The following HS6ST3 variants were observed in gnomAD, a reference collection of about 807,000 sequenced individuals.
HS6ST3 encodes the protein heparan-sulfate 6-O-sulfotransferase 3.
Under a neutral mutation model 36.7 loss-of-function variants are expected in HS6ST3, and 12 were observed. The ratio of observed to expected loss-of-function variants is 0.33; its 90% confidence interval spans 0.21 to 0.53. The LOEUF is 0.53. Among genes scored for constraint, HS6ST3 ranks in the 20% least tolerant of loss-of-function variants. HS6ST3 has a pLI of 0.95. For synonymous variants in HS6ST3, 240 were observed against 257.5 expected (o/e 0.93, Z 0.65); for missense variants, 584 against 640.9 (o/e 0.91, Z 0.96).
intron 1 of HS6ST3, among the ~76,000 whole-genome samples, chr13:96,655,958 A>G (rs2056623207): frequency 6.6e-6 from 1 of 152,138 alleles, no homozygotes; most frequent in African/African-American, 2.4e-5. Flanking sequence ...ACTCATTTTC[A>G]TTGTTATTAT....
At chr13:96,741,199 T>G (rs1876430001) in intron 1 of HS6ST3, among the ~76,000 whole-genome samples, 1 of 152,202 alleles carries the variant, frequency 6.6e-6, no homozygotes, top group African/African-American at 2.4e-5. Context: ...TCTCATAATG[T>G]GCATTCTTTT....
At chr13:96,182,957 T>G (rs2054246543) in intron 1 of HS6ST3, among the ~76,000 whole-genome samples, 1 of 152,208 alleles carries the variant, frequency 6.6e-6, no homozygotes. Flanking sequence ...GATTTCCATT[T>G]TGTGGAGGAC....
At chr13:96,537,011 T>A (rs2056158188) in intron 1 of HS6ST3, among the ~76,000 whole-genome samples, 1 of 152,198 alleles carries the variant, frequency 6.6e-6, no homozygotes, top group South Asian at 2.1e-4. Context: ...GCCCATACTC[T>A]GGTAGTTAGA....
intron 1 of HS6ST3, among the ~76,000 whole-genome samples, chr13:96,766,677 G>A (rs1877125092): frequency 6.6e-6 from 1 of 152,090 alleles, no homozygotes; most frequent in Non-Finnish European, 1.5e-5. Context: ...ATATTTCTGA[G>A]GCAACCTTGC....
intron 1 of HS6ST3, among the ~76,000 whole-genome samples, chr13:96,568,110 C>T (rs1377857184): frequency 6.6e-6 from 1 of 152,236 alleles, no homozygotes; most frequent in Non-Finnish European, 1.5e-5. Flanking sequence ...GGAGTTAACA[C>T]TACCAGGTCT....
intron 1 of HS6ST3, among the ~76,000 whole-genome samples, chr13:96,668,309 C>G (rs1303772311): frequency 1.3e-5 from 2 of 152,060 alleles, no homozygotes; most frequent in East Asian, 3.9e-4. Flanking sequence ...CTTATTCAGT[C>G]ATGAGAAAAA....
intron 1 of HS6ST3, among the ~76,000 whole-genome samples, chr13:96,245,924 G>A (rs1416189246): frequency 6.6e-6 from 1 of 152,104 alleles, no homozygotes; most frequent in Non-Finnish European, 1.5e-5. Flanking sequence ...AGGGAATATA[G>A]AGGGGGAAAC....
intron 1 of HS6ST3, among the ~76,000 whole-genome samples, chr13:96,175,145 T>C (rs1293352974): frequency 6.6e-6 from 1 of 152,200 alleles, no homozygotes; most frequent in African/African-American, 2.4e-5. Context: ...TGAAATCCTT[T>C]ATGTAATTTT....
At chr13:96,336,202 T>C in intron 1 of HS6ST3, among the ~76,000 whole-genome samples, 1 of 152,222 alleles carries the variant, frequency 6.6e-6, no homozygotes. Flanking sequence ...ATAAGACTTT[T>C]AACAGAAAAG....
chr13:96,446,969 AGTCCTCTTTTCTTCT>A (rs1412250494), intron 1 of HS6ST3, among the ~76,000 whole-genome samples: 5 of 152,024 alleles, frequency 3.3e-5, no homozygotes, highest in African/African-American at 9.7e-5. Flanking sequence ...TGTGCCTTCA[AGTCCTCTTTTCTTCT>A]ACCTTTTTAA....
chr13:96,150,888 A>T (rs1212913303), intron 1 of HS6ST3, among the ~76,000 whole-genome samples: 1 of 152,226 alleles, frequency 6.6e-6, no homozygotes, highest in Non-Finnish European at 1.5e-5. Flanking sequence ...ATAATGTATA[A>T]CATAATATAT....
intron 1 of HS6ST3, among the ~76,000 whole-genome samples, chr13:96,813,444 TG>T (rs769052749): frequency 1.6e-4 from 24 of 152,266 alleles, no homozygotes; most frequent in Admixed American, 3.3e-4. Flanking sequence ...GCCTCCCCAC[TG>T]GGGTTCCACT....
chr13:96,641,580 C>T (rs576270191), intron 1 of HS6ST3, among the ~76,000 whole-genome samples: 1 of 151,862 alleles, frequency 6.6e-6, no homozygotes, highest in African/African-American at 2.4e-5. Context: ...GTCACTAATG[C>T]CATGTCCATT....
At chr13:96,231,814 T>G (rs1412945527) in intron 1 of HS6ST3, among the ~76,000 whole-genome samples, 2 of 152,194 alleles carry the variant, frequency 1.3e-5, no homozygotes, top group Non-Finnish European at 2.9e-5. Flanking sequence ...TGGGGTTAGA[T>G]GAAGACTGCT....
At chr13:96,627,686 T>G (rs919078301) in intron 1 of HS6ST3, among the ~76,000 whole-genome samples, 2 of 152,016 alleles carry the variant, frequency 1.3e-5, no homozygotes, top group Non-Finnish European at 2.9e-5. Context: ...GAAAATATTT[T>G]AAACTATGGA....
At chr13:96,809,400 G>C (rs1408300029) in intron 1 of HS6ST3, among the ~76,000 whole-genome samples, 1 of 152,120 alleles carries the variant, frequency 6.6e-6, no homozygotes, top group Non-Finnish European at 1.5e-5. Flanking sequence ...ATGCGATTTT[G>C]TATCCTGTCT....
chr13:96,341,783 A>G (rs577619568), intron 1 of HS6ST3, among the ~76,000 whole-genome samples: 53 of 152,356 alleles, frequency 3.5e-4, no homozygotes, highest in African/African-American at 1.2e-3. Flanking sequence ...CTGTTTAAAA[A>G]TGGAAACTTT....
At chr13:96,476,661 G>A (rs1398001699) in intron 1 of HS6ST3, among the ~76,000 whole-genome samples, 1 of 152,136 alleles carries the variant, frequency 6.6e-6, no homozygotes, top group Non-Finnish European at 1.5e-5. Context: ...GCGCCTGGCC[G>A]AGACAGTTTT....
At chr13:96,388,504 A>T (rs529764896) in intron 1 of HS6ST3, among the ~76,000 whole-genome samples, 74 of 152,382 alleles carry the variant, frequency 4.9e-4, no homozygotes, top group African/African-American at 1.7e-3. Flanking sequence ...CTTTCAAATT[A>T]GAATGGGCCC....
Sources: gnomAD v4.1 joint callset for allele counts (sites outside exome capture counted in the v4.1 genomes callset) on GRCh38, gnomAD v4.1.1 for gene constraint, MANE v1.5 for transcripts, NCBI Gene and HGNC (gene_info 2026-07-23, HGNC 2026-07-21) for gene names.